The following AHNAK2 variants were observed in gnomAD, a reference collection of about 807,000 sequenced individuals.
AHNAK2 encodes AHNAK nucleoprotein 2.
Under a neutral mutation model 30.7 loss-of-function variants are expected in AHNAK2, and 18 were observed. The observed-to-expected ratio is 0.59, with a 90% CI of 0.41 to 0.87. The LOEUF (loss-of-function observed/expected upper bound fraction) is 0.87. AHNAK2 is among the 40% of genes least tolerant of loss of function. The pLI is 0.00. For synonymous variants in AHNAK2, 3,590 were observed against 3,073.8 expected (o/e 1.17, Z -5.56); for missense variants, 8,604 against 7,373.0 (o/e 1.17, Z -6.11).
Position 104,952,255 on chromosome 14 carries a change from G to T in AHNAK2, c.3196C>A (p.Leu1066Ile), listed in dbSNP as rs1355622640. The stretch of plus-strand genomic sequence containing the variant: ...CCCTCGGGCAGGTGGCCCTCCGGGA[G>T]CTTCACATCCACCTGGTCAGCCTGG... ...KVQADQVDVK[L>I]PEGHLPEGAG... The change falls in exon 7 of 7, where the codon CTC (leucine) becomes ATC (isoleucine). Residue 1066 changes from leucine to isoleucine, a missense_variant. Physicochemically the swap from Leu to Ile is conservative, Grantham distance 5. Coordinates refer to ENST00000333244, the MANE Select transcript of AHNAK2 (RefSeq NM_138420.4). The T allele has an allele frequency of 1.2e-6, 2 of 1,612,596 alleles. No homozygotes were observed. The highest frequency in any genetic ancestry group is 2.2e-5 in the East Asian group (1 of 44,782).
intron 1 of AHNAK2, among the ~76,000 whole-genome samples, chr14:104,962,302 T>C (rs1026221909): frequency 2.6e-5 from 4 of 152,178 alleles, no homozygotes; most frequent in African/African-American, 9.7e-5. Flanking sequence ...ACTTCAGTCA[T>C]CCGAGTTCTC....
chr14:104,955,072 T>C lies in AHNAK2; in HGVS notation c.536A>G (p.Gln179Arg). Residue 179 changes from glutamine to arginine, a missense_variant, in exon 6 of 7, where the codon CAA (glutamine) becomes CGA (arginine). Gln to Arg is a conservative substitution (Grantham distance 43). Transcript: ENST00000333244. ...CTGAACCTTGTACGGCTCTGAATAT[T>C]GAAGGATTTTGAGAGCATCTTCATA... is the stretch of plus-strand genomic sequence containing the variant. Reference protein sequence around the residue: ...IKYEDALKILQYSEPYKVQFK... With the variant: ...IKYEDALKILRYSEPYKVQFK... 6.2e-7 allele frequency: 1 copy of C among 1,613,580 alleles called. No homozygotes were observed. The highest frequency in any genetic ancestry group is 8.5e-7 in the Non-Finnish European group (1 of 1,179,848).
rs1338786845 is a variant in AHNAK2, at chr14:104,944,245, G to A, written c.11206C>T (p.Leu3736Phe). 9 of 1,612,680 alleles carry A rather than the reference G, an allele frequency of 5.6e-6. No homozygotes were observed. The highest frequency in any genetic ancestry group is 7.6e-6 in the Non-Finnish European group (9 of 1,179,534). ...TTGATGTCCACCTGGGGGCCCTTGA[G>A]GTCCACTTTGGGCATCTTCAAACTG... ...MPSLKMPKVD[L>F]KGPQVDIKGP... The change falls in exon 7 of 7, where the codon CTC becomes TTC. Residue 3736 changes from leucine to phenylalanine, a missense_variant. Leu to Phe is a conservative substitution (Grantham distance 22). Transcript: ENST00000333244.
Position 104,945,313 on chromosome 14 carries a change from G to A in AHNAK2, c.10138C>T (p.His3380Tyr). The A allele has an allele frequency of 6.2e-7, 1 of 1,612,944 alleles. No homozygotes were observed. The highest frequency in any genetic ancestry group is 8.5e-7 in the Non-Finnish European group (1 of 1,179,594). The change falls in exon 7 of 7, where the codon CAC becomes TAC. Residue 3380 changes from histidine (H) to tyrosine (Y), a missense_variant. Transcript: ENST00000333244. The part of the protein sequence containing the change: ...GQVDVKLPEG[H>Y]VPEGAGLKGH... The stretch of plus-strand genomic sequence containing the variant: ...TTGAGGCCAGCTCCCTCGGGCACGT[G>A]GCCCTCCGGGAGCTTCACGTCCACC...
In AHNAK2 at chr14:104,942,372, C is replaced by A. The variant is rs1898031011; in HGVS notation, c.13079G>T (p.Gly4360Val). 3 of 1,613,044 alleles carry A rather than the reference C, an allele frequency of 1.9e-6. No individual in the cohort carries two copies. Among genetic ancestry groups the A allele is most frequent in the African/African-American group, 1.3e-5 (1 of 74,806 alleles). The change falls in exon 7 of 7, where the codon GGC becomes GTC. Residue 4360 changes from glycine (G) to valine (V), a missense_variant. By Grantham distance (109) the Gly-to-Val change is moderately radical (BLOSUM62 -3). Transcript: ENST00000333244. The part of the protein sequence containing the change: ...PPSADLEVQA[G>V]QEDVKLPEGP... The stretch of plus-strand genomic sequence containing the variant: ...CTCTGGGAGTTTCACATCCTCTTGG[C>A]CAGCCTGGACCTCCAGATCAGCGGA...
Position 104,949,274 on chromosome 14 carries a change from G to A in AHNAK2, c.6177C>T (p.Gly2059=), listed in dbSNP as rs572340331. ...TGQVDVKLPE[G]HVPEGAGLKG... is the part of the protein sequence containing the mutation. Reference sequence around the variant, plus strand: ...TGAGGCCAGCTCCCTCGGGCACGTGGCCCTCCGGGAGCTTCACATCCACCT... The same window carrying A: ...TGAGGCCAGCTCCCTCGGGCACGTGACCCTCCGGGAGCTTCACATCCACCT... The change falls in exon 7 of 7, where the codon GGC becomes GGT. Residue 2059 remains glycine (G), a synonymous_variant. Transcript: ENST00000333244. 17 of 1,065,898 alleles carry A rather than the reference G, an allele frequency of 1.6e-5. 2 individuals are homozygous for A. In the East Asian group the frequency reaches 3.9e-4, roughly 24 times the overall value. 66.0% of individuals were successfully genotyped at this position (1,065,898 alleles called of 1,614,324 possible). A position where few individuals can be genotyped will look rare whatever the true frequency, so the allele number is the denominator to read the frequency against.
At position 104,953,214 on chromosome 14, in the gene AHNAK2, C is replaced by G. The variant is rs201524595; in HGVS notation, c.2237G>C (p.Gly746Ala). 0.028 allele frequency: 44,593 copies of G among 1,612,948 alleles called. 719 individuals are homozygous for G. The highest frequency in any genetic ancestry group is 0.049 in the Middle Eastern group (293 of 6,040). ...GAGGCTGGCTCCCTCGGGCAGGGGG[C>G]CCTCCGGAAGTTTCACATCCACTTG... ...DGQVDVKLPE[G>A]PLPEGASLKG... The change falls in exon 7 of 7, where the codon GGC (glycine) becomes GCC (alanine). Residue 746 changes from glycine to alanine, a missense_variant. Physicochemically the swap from Gly to Ala is moderately conservative, Grantham distance 60 (BLOSUM62 0). Transcript: ENST00000333244.
chr14:104,977,534 C>T (rs1245474304), intron 1 of AHNAK2, among the ~76,000 whole-genome samples: 2 of 152,212 alleles, frequency 1.3e-5, no homozygotes, highest in Non-Finnish European at 2.9e-5. Flanking sequence ...CATTCAGGCC[C>T]CTCACCAGGC....
At position 104,943,069 on chromosome 14, in the gene AHNAK2, C is replaced by A; in HGVS notation, c.12382G>T (p.Ala4128Ser). The change falls in exon 7 of 7, where the codon GCC becomes TCC. Residue 4128 changes from alanine to serine, a missense_variant. Physicochemically the swap from Ala to Ser is moderately conservative, Grantham distance 99 (BLOSUM62 1). Transcript: ENST00000333244. ...DLSLADKDVT[A>S]KDSKFKMPKF... is the part of the protein sequence containing the mutation. ...GGCATTTTGAACTTGCTGTCTTTGG[C>A]AGTCACATCCTTGTCGGCCAGGGAC... 6.2e-7 allele frequency: 1 copy of A among 1,612,944 alleles called. No homozygotes were observed. Among genetic ancestry groups the A allele is most frequent in the Non-Finnish European group, 8.5e-7 (1 of 1,179,526 alleles).
chr14:104,950,620 C>T lies in AHNAK2; in HGVS notation c.4831G>A (p.Glu1611Lys), dbSNP rs1898635423. The change falls in exon 7 of 7, where the codon GAA (glutamate) becomes AAA (lysine). Residue 1611 changes from glutamate to lysine, a missense_variant. By Grantham distance (56) the Glu-to-Lys change is moderately conservative. Coordinates refer to ENST00000333244, the MANE Select transcript of AHNAK2 (RefSeq NM_138420.4). ...ATCTTCACATCGGGGGCTGTCACTTCCACCTTGGGGCCTTTCAGGTCCAGC... is the reference window on the plus strand; with the variant it reads ...ATCTTCACATCGGGGGCTGTCACTTTCACCTTGGGGCCTTTCAGGTCCAGC... ...PKLDLKGPKV[E>K]VTAPDVKMSL... 1 of 1,587,306 alleles carries T rather than the reference C, an allele frequency of 6.3e-7. No homozygotes were observed. The highest frequency in any genetic ancestry group is 1.4e-5 in the African/African-American group (1 of 73,300).
Position 104,949,743 on chromosome 14 carries a change from T to A in AHNAK2, c.5708A>T (p.Lys1903Ile), listed in dbSNP as rs1305436511. 1.3e-6 allele frequency: 2 copies of A among 1,587,738 alleles called. No individual in the cohort carries two copies. Among genetic ancestry groups the A allele is most frequent in the African/African-American group, 2.8e-5 (2 of 72,720 alleles). ...EGQVPEGAGL[K>I]GHLPKVDMPS... ...CATATCCACCTTGGGCAAGTGCCCT[T>A]TGAGGCCGGCTCCCTCGGGCACCTG... Residue 1903 changes from lysine to isoleucine, a missense_variant, in exon 7 of 7, where the codon AAA becomes ATA. Physicochemically the swap from Lys to Ile is moderately radical, Grantham distance 102. Transcript: ENST00000333244.
Position 104,953,583 on chromosome 14 carries a change from C to T in AHNAK2, c.1868G>A (p.Arg623Lys), listed in dbSNP as rs1898871589. ...TTCCTCTGTGCGTCTCTGTTCTCTTCTATCAGCTGTTGCTGTGGCCTCTCC... is the reference window on the plus strand; with the variant it reads ...TTCCTCTGTGCGTCTCTGTTCTCTTTTATCAGCTGTTGCTGTGGCCTCTCC... The part of the protein sequence containing the change: ...REGEATATAD[R>K]REQRRTEEGL... Residue 623 changes from arginine (R) to lysine (K), a missense_variant, in exon 7 of 7, where the codon AGA becomes AAA. Transcript: ENST00000333244. 3.1e-6 allele frequency: 5 copies of T among 1,614,050 alleles called. No homozygotes were observed. In the East Asian group the frequency reaches 8.9e-5, roughly 29 times the overall value.
chr14:104,938,229 G>T lies in AHNAK2; in HGVS notation c.17222C>A (p.Ser5741Tyr), dbSNP rs1327791739. 1 of 1,613,888 alleles carries T rather than the reference G, an allele frequency of 6.2e-7. No individual in the cohort carries two copies. The highest frequency in any genetic ancestry group is 1.1e-5 in the South Asian group (1 of 91,064). Reference sequence around the variant, plus strand: ...TTCACCCTCTTCCTTCTCTTCAGGGGAGAAACTTTCTCGGGCATCAAAAAA... The same window carrying T: ...TTCACCCTCTTCCTTCTCTTCAGGGTAGAAACTTTCTCGGGCATCAAAAAA... Reference protein sequence around the residue: ...ITFFDARESFSPEEKEEGELI... With the variant: ...ITFFDARESFYPEEKEEGELI... The change falls in exon 7 of 7, where the codon TCC becomes TAC. Residue 5741 changes from serine (S) to tyrosine (Y), a missense_variant. Physicochemically the swap from Ser to Tyr is moderately radical, Grantham distance 144. Transcript: ENST00000333244.
chr14:104,958,191 G>A (rs546280171), intron 1 of AHNAK2, among the ~76,000 whole-genome samples: 1 of 152,344 alleles, frequency 6.6e-6, no homozygotes, highest in South Asian at 2.1e-4. Context: ...GCTCATGCCT[G>A]TAATCCCAGG....
At position 104,946,153 on chromosome 14, in the gene AHNAK2, G is replaced by C. The variant is rs774058110; in HGVS notation, c.9298C>G (p.Pro3100Ala). The C allele has an allele frequency of 2.1e-4, 340 of 1,611,870 alleles. No homozygotes were observed. The highest frequency in any genetic ancestry group is 2.7e-4 in the Non-Finnish European group (315 of 1,179,350). Residue 3100 changes from proline (P) to alanine (A), a missense_variant, in exon 7 of 7, where the codon CCC (proline) becomes GCC (alanine). Pro to Ala is a conservative substitution (Grantham distance 27). Coordinates refer to ENST00000333244, the MANE Select transcript of AHNAK2 (RefSeq NM_138420.4). ...LKGPKTDVTAPDVEVSQPGME... is the reference protein window; with the variant it reads ...LKGPKTDVTAADVEVSQPGME... Reference sequence around the variant, plus strand: ...CCGGGCTGAGACACCTCCACGTCGGGGGCCGTCACGTCCGTCTTCGGGCCT... The same window carrying C: ...CCGGGCTGAGACACCTCCACGTCGGCGGCCGTCACGTCCGTCTTCGGGCCT...
Position 104,946,553 on chromosome 14 carries a change from C to G in AHNAK2, c.8898G>C (p.Leu2966=). 1 of 1,612,708 alleles carries G rather than the reference C, an allele frequency of 6.2e-7. No homozygotes were observed. Among genetic ancestry groups the G allele is most frequent in the South Asian group, 1.1e-5 (1 of 91,024 alleles). ...CTTTGGCAGTCACATCCTTGTCGGC[C>G]AGGGACAGGTCACCCTCCAGCCGTG... ...DGARLEGDLS[L]ADKDVTAKDS... The change falls in exon 7 of 7, where the codon CTG becomes CTC. Residue 2966 remains leucine (L), a synonymous_variant. Coordinates refer to ENST00000333244, the MANE Select transcript of AHNAK2 (RefSeq NM_138420.4).
Position 104,949,520 on chromosome 14 carries a change from G to T in AHNAK2, c.5931C>A (p.Ala1977=), listed in dbSNP as rs199939320. The T allele has an allele frequency of 7.6e-6, 12 of 1,587,928 alleles. No homozygotes were observed. Among genetic ancestry groups the T allele is most frequent in the Non-Finnish European group, 9.5e-6 (11 of 1,162,928 alleles). The change falls in exon 7 of 7, where the codon GCC becomes GCA. Residue 1977 remains alanine, a synonymous_variant. Transcript: ENST00000333244. ...GARLEGDLSL[A]DKDMTAKDSK... ...TGTCTTTGGCAGTCATGTCCTTGTC[G>T]GCCAGGGACAGGTCTCCCTCCAGCC...
In AHNAK2 at chr14:104,941,845, T is replaced by G. The variant is rs9672139; in HGVS notation, c.13606A>C (p.Met4536Leu). The G allele has an allele frequency of 0.51, 825,825 of 1,612,856 alleles. 214,255 individuals are homozygous for G. Among genetic ancestry groups the G allele is most frequent in the African/African-American group, 0.63 (47,134 of 74,810 alleles). Residue 4536 changes from methionine (M) to leucine (L), a missense_variant, in exon 7 of 7, where the codon ATG (methionine) becomes CTG (leucine). By Grantham distance (15) the Met-to-Leu change is conservative (BLOSUM62 2). Transcript: ENST00000333244. The stretch of plus-strand genomic sequence containing the variant: ...CCTTTGAGGCCGGCTACCTCGGGCA[T>G]GTGGCCTTCTGGAAGTTTCAAGTCC... ...QVDLKLPEGHMPEVAGLKGHL... is the reference protein window; with the variant it reads ...QVDLKLPEGHLPEVAGLKGHL...
chr14:104,966,603 G>A lies in AHNAK2; in HGVS notation c.56-8931C>T, dbSNP rs543254758. Among the ~76,000 whole-genome samples the A allele has an allele frequency of 1.3e-5, 2 of 152,098 alleles. No individual in the cohort carries two copies. The highest frequency in any genetic ancestry group is 4.8e-5 in the African/African-American group (2 of 41,500). On this transcript the variant is annotated intron_variant, in intron 1 of 6. Transcript: ENST00000333244. The surrounding 1 kb of genome is among the most constrained non-coding windows in gnomAD (Gnocchi z 4.3). ...CCACCGCTCTGCCTCCCAGATGGCT[G>A]CCAAACCCTCCACTCCTTGCCCACC... is the stretch of plus-strand genomic sequence containing the variant.
Sources: allele counts gnomAD v4.1 joint callset (sites outside exome capture counted in the v4.1 genomes callset), GRCh38; gene constraint gnomAD v4.1.1; non-coding constraint Gnocchi (gnomAD v3.1); transcripts MANE v1.5; gene names NCBI Gene and HGNC (gene_info 2026-07-23, HGNC 2026-07-21).